DSCAML1: variants seen among roughly 807,000 people sequenced by gnomAD.
DSCAML1 encodes the protein DS cell adhesion molecule like 1.
In DSCAML1, 38 loss-of-function variants were observed where a neutral mutation model predicts 200.5. The observed-to-expected ratio is 0.19, with a 90% CI of 0.15 to 0.25. DSCAML1 has a LOEUF of 0.25. Ranked by LOEUF, DSCAML1 falls within the 10% of genes least tolerant of loss-of-function variation. DSCAML1 has a pLI of 1.00. For synonymous variants in DSCAML1, 1,215 were observed against 1,165.0 expected (o/e 1.04, Z -0.87); for missense variants, 2,223 against 2,858.8 (o/e 0.78, Z 5.07).
At chr11:117,686,303 C>T (rs149522692) in intron 3 of DSCAML1, among the ~76,000 whole-genome samples, 4 of 152,196 alleles carry the variant, frequency 2.6e-5, no homozygotes, top group Non-Finnish European at 5.9e-5. Context: ...GTGCTCATAC[C>T]GCCCTCTGTT....
At chr11:117,739,014 A>G (rs1405449684) in intron 3 of DSCAML1, among the ~76,000 whole-genome samples, 1 of 152,224 alleles carries the variant, frequency 6.6e-6, no homozygotes, top group Non-Finnish European at 1.5e-5. Flanking sequence ...CAAACAACAC[A>G]TGTAGTTTGT....
chr11:117,634,588 T>A (rs1290708631), intron 3 of DSCAML1, among the ~76,000 whole-genome samples: 1 of 152,192 alleles, frequency 6.6e-6, no homozygotes, highest in East Asian at 1.9e-4. Context: ...CTGTGCTGCC[T>A]GGAATTTGCA....
At chr11:117,501,330 C>G (rs1030213795) in intron 11 of DSCAML1, among the ~76,000 whole-genome samples, 1 of 152,268 alleles carries the variant, frequency 6.6e-6, no homozygotes, top group Middle Eastern at 3.4e-3. Flanking sequence ...CAGCAGTCCA[C>G]CCAGTGCCCA....
At chr11:117,701,996 A>T (rs1341777415) in intron 3 of DSCAML1, among the ~76,000 whole-genome samples, 1 of 152,126 alleles carries the variant, frequency 6.6e-6, no homozygotes, top group East Asian at 1.9e-4. Flanking sequence ...CCAGTTACAC[A>T]GTCCCGTGGA....
At chr11:117,566,623 C>A (rs1484534944) in intron 3 of DSCAML1, among the ~76,000 whole-genome samples, 2 of 151,146 alleles carry the variant, frequency 1.3e-5, no homozygotes, top group African/African-American at 4.9e-5. Context: ...ACATGTGCAC[C>A]ATGTGCAGGT....
chr11:117,507,159 A>G (rs1373478316), intron 8 of DSCAML1, among the ~76,000 whole-genome samples: 1 of 149,792 alleles, frequency 6.7e-6, no homozygotes, highest in Non-Finnish European at 1.5e-5. Flanking sequence ...CAAGTGGGGC[A>G]GAAGAGAGAA....
chr11:117,816,843 G>C (rs2055814311), intron 1 of DSCAML1, among the ~76,000 whole-genome samples: 2 of 151,096 alleles, frequency 1.3e-5, no homozygotes, highest in Non-Finnish European at 2.9e-5. Context: ...AAAGCATTTA[G>C]AAAAACTGGA....
chr11:117,495,946 C>T (rs2049281823), intron 11 of DSCAML1, among the ~76,000 whole-genome samples: 2 of 152,206 alleles, frequency 1.3e-5, no homozygotes, highest in African/African-American at 2.4e-5. Context: ...TTCCTCTAGT[C>T]TCCAGCAGCC....
Position 117,464,937 on chromosome 11 carries a change from C to T in DSCAML1, c.3265+5G>A. ...GTGCCCACTCCCTTCTGCTGGGGCC[C>T]TCACCATCCTCCAGAGTGGTGGCAT... On this transcript the variant is annotated splice_donor_5th_base_variant and intron_variant, in intron 17 of 32. Transcript: ENST00000651296. The T allele has an allele frequency of 6.2e-7, 1 of 1,612,940 alleles. No individual in the cohort carries two copies. The highest frequency in any genetic ancestry group is 8.5e-7 in the Non-Finnish European group (1 of 1,179,292).
At chr11:117,617,993 C>T (rs1306471093) in intron 3 of DSCAML1, among the ~76,000 whole-genome samples, 1 of 152,166 alleles carries the variant, frequency 6.6e-6, no homozygotes, top group Non-Finnish European at 1.5e-5. Context: ...TAAACTAGAT[C>T]TATAATAATG....
Position 117,805,668 on chromosome 11 carries a change from C to T in DSCAML1, c.-250+11722G>A, listed in dbSNP as rs1037703913. Among the ~76,000 whole-genome samples the T allele has an allele frequency of 9.2e-5, 14 of 152,290 alleles. No individual in the cohort carries two copies. In the East Asian group the frequency reaches 2.1e-3, roughly 23 times the overall value. On this transcript the variant is annotated intron_variant, in intron 1 of 2. Coordinates refer to the DSCAML1 transcript ENST00000525836. ...CCTGGTTAAAAACTCTGTTCTTTCA[C>T]TGTTTCTGGTCCACACCTGGCCTAA...
chr11:117,687,580 A>G (rs1311090676), intron 3 of DSCAML1, among the ~76,000 whole-genome samples: 3 of 151,040 alleles, frequency 2.0e-5, no homozygotes, highest in South Asian at 2.1e-4. Flanking sequence ...CTGCATTTAA[A>G]CCCTCTAATT....
At chr11:117,571,673 C>T (rs2017098) in intron 3 of DSCAML1, among the ~76,000 whole-genome samples, 2 of 151,950 alleles carry the variant, frequency 1.3e-5, no homozygotes, top group Admixed American at 1.3e-4. Flanking sequence ...GTCCTCCCCC[C>T]ACCTACAGGT....
chr11:117,484,709 A>G (rs1006764717), intron 11 of DSCAML1, among the ~76,000 whole-genome samples: 1 of 152,222 alleles, frequency 6.6e-6, no homozygotes, highest in African/African-American at 2.4e-5. Flanking sequence ...CCAACAAGTC[A>G]GGACTTGCAT....
intron 3 of DSCAML1, among the ~76,000 whole-genome samples, chr11:117,621,137 C>T (rs999056115): frequency 2.6e-4 from 40 of 152,194 alleles, no homozygotes; most frequent in South Asian, 4.1e-4. Context: ...ATTCAAAGCC[C>T]AGCTCCAAAT....
chr11:117,740,878 C>G (rs2054409921), intron 3 of DSCAML1, among the ~76,000 whole-genome samples: 1 of 152,226 alleles, frequency 6.6e-6, no homozygotes, highest in African/African-American at 2.4e-5. Flanking sequence ...GTTGGCTAAG[C>G]CAGACCAAGA....
At chr11:117,484,038 C>A (rs2048986393) in intron 11 of DSCAML1, among the ~76,000 whole-genome samples, 1 of 133,412 alleles carries the variant, frequency 7.5e-6, no homozygotes, top group Admixed American at 7.4e-5. Flanking sequence ...CCCGCCCCTG[C>A]CCCCCGCCCC....
intron 3 of DSCAML1, among the ~76,000 whole-genome samples, chr11:117,598,922 G>GT (rs1167184436): frequency 6.6e-6 from 1 of 152,204 alleles, no homozygotes; most frequent in African/African-American, 2.4e-5. Context: ...GATGCCTAAA[G>GT]TTTTGAAAGG....
At chr11:117,601,094 C>A (rs2051456769) in intron 3 of DSCAML1, among the ~76,000 whole-genome samples, 2 of 152,218 alleles carry the variant, frequency 1.3e-5, no homozygotes, top group Admixed American at 1.3e-4. Context: ...GCCTCTATGG[C>A]AGCTGCTCCC....
Sources: gnomAD v4.1 joint callset for allele counts (sites outside exome capture counted in the v4.1 genomes callset) on GRCh38, gnomAD v4.1.1 for gene constraint, MANE v1.5 for transcripts, NCBI Gene and HGNC (gene_info 2026-07-23, HGNC 2026-07-21) for gene names.